BCAR3: variants seen among roughly 807,000 people sequenced by gnomAD.
BCAR3 encodes the protein breast cancer anti-estrogen resistance protein 3.
BCAR3 carries 37 observed loss-of-function variants against 80.1 expected under a neutral mutation model. The ratio of observed to expected loss-of-function variants is 0.46; its 90% CI spans 0.36 to 0.61. The LOEUF (loss-of-function observed/expected upper bound fraction) is 0.61, where lower values mean the gene tolerates loss of function less well. Among genes scored for constraint, BCAR3 ranks in the 20% least tolerant of loss-of-function variants. BCAR3 has a pLI of 0.00. For synonymous variants in BCAR3, 389 were observed against 418.9 expected (o/e 0.93, Z 0.87); for missense variants, 978 against 1,068.2 (o/e 0.92, Z 1.18).
chr1:93,789,901 C>A (rs1232411140), intron 2 of BCAR3, among the ~76,000 whole-genome samples: 1 of 152,212 alleles, frequency 6.6e-6, no homozygotes, highest in African/African-American at 2.4e-5. Context: ...GGTGAGGGAC[C>A]TTGAGGAGTC....
At chr1:93,588,698 A>G (rs372489079) in intron 5 of BCAR3, among the ~76,000 whole-genome samples, 3 of 148,504 alleles carry the variant, frequency 2.0e-5, no homozygotes, top group East Asian at 2.0e-4. Flanking sequence ...CATCTATCCA[A>G]ATTTCCCCCA....
chr1:93,571,579 T>G, intron 9 of BCAR3, 91 bp downstream of exon 9: 29 of 1,493,386 alleles, frequency 1.9e-5, no homozygotes, highest in Non-Finnish European at 2.5e-5. Flanking sequence ...AATTTACTTT[T>G]GAGATTGACT....
upstream of BCAR3, among the ~76,000 whole-genome samples, chr1:93,685,424 T>C (rs1648942528): frequency 6.6e-6 from 1 of 152,266 alleles, no homozygotes; most frequent in Non-Finnish European, 1.5e-5. Context: ...AGTAACATAC[T>C]ATACCCATTG....
intron 3 of BCAR3, among the ~76,000 whole-genome samples, chr1:93,635,392 T>C (rs555807696): frequency 1.3e-5 from 2 of 152,316 alleles, no homozygotes; most frequent in African/African-American, 2.4e-5. Context: ...TATACGGACA[T>C]GTGTTTTCAT....
At chr1:93,688,475 C>CA (rs201057423) in intron 3 of BCAR3, among the ~76,000 whole-genome samples, 1,608 of 152,230 alleles carry the variant, frequency 0.011, 28 homozygotes, top group African/African-American at 0.037. Context: ...ACCAAAACGT[C>CA]TCTGGATAGG....
rs376135163 is a variant in BCAR3, at chr1:93,824,107, G to A, written c.-63+21460C>T. ...GTCTGTCTTGTTTTCGGTATTCCTAGTAGACATTCAACTAATGTTTGTTGA... is the reference window on the plus strand; with the variant it reads ...GTCTGTCTTGTTTTCGGTATTCCTAATAGACATTCAACTAATGTTTGTTGA... On this transcript the variant is annotated intron_variant, in intron 2 of 13. Coordinates refer to the BCAR3 transcript ENST00000370244. Among the ~76,000 whole-genome samples the A allele has an allele frequency of 3.6e-4, 48 of 133,894 alleles. 12 individuals carry two copies. The highest frequency in any genetic ancestry group is 2.3e-3 in the East Asian group (8 of 3,446). 87.8% of individuals were successfully genotyped at this position (133,894 alleles called of 152,430 possible).
At chr1:93,660,270 C>A (rs1164851449) in intron 2 of BCAR3, among the ~76,000 whole-genome samples, 1 of 152,192 alleles carries the variant, frequency 6.6e-6, no homozygotes, top group Non-Finnish European at 1.5e-5. Context: ...TCAGACAGAA[C>A]TCCCTCAGCA....
At chr1:93,703,678 T>C (rs1649732200) in intron 3 of BCAR3, among the ~76,000 whole-genome samples, 2 of 152,216 alleles carry the variant, frequency 1.3e-5, no homozygotes, top group African/African-American at 4.8e-5. Context: ...AGTGCTTCTA[T>C]ATGCCCATTC....
chr1:93,774,110 G>C (rs1386657744), intron 2 of BCAR3, among the ~76,000 whole-genome samples: 1 of 152,178 alleles, frequency 6.6e-6, no homozygotes, highest in Non-Finnish European at 1.5e-5. Flanking sequence ...GCAATCAGGA[G>C]TAACTCCAAA....
intron 7 of BCAR3, among the ~76,000 whole-genome samples, chr1:93,576,588 A>T (rs1194204805): frequency 6.6e-6 from 1 of 152,236 alleles, no homozygotes; most frequent in East Asian, 1.9e-4. Flanking sequence ...CTCACTTAAC[A>T]GCCACAGCTG....
intron 2 of BCAR3, among the ~76,000 whole-genome samples, chr1:93,729,721 C>T (rs922689820): frequency 6.6e-6 from 1 of 152,160 alleles, no homozygotes; most frequent in Non-Finnish European, 1.5e-5. Flanking sequence ...GTGGGCAGCT[C>T]CCCTCAGAAG....
chr1:93,567,879 G>C, intron 9 of BCAR3, 28 bp from the exon 10 acceptor site: 1 of 1,586,074 alleles, frequency 6.3e-7, no homozygotes, highest in Non-Finnish European at 8.7e-7. Flanking sequence ...TTTTGGAAAA[G>C]GTTCTTTTTA....
intron 3 of BCAR3, among the ~76,000 whole-genome samples, chr1:93,615,072 C>G (rs945045021): frequency 6.6e-6 from 1 of 150,884 alleles, no homozygotes; most frequent in Non-Finnish European, 1.5e-5. Flanking sequence ...CCTATCCTAC[C>G]GCTCCAAATA....
chr1:93,631,914 C>A (rs184072461), intron 3 of BCAR3, among the ~76,000 whole-genome samples: 3,241 of 152,254 alleles, frequency 0.021, 145 homozygotes, highest in Admixed American at 0.11. Flanking sequence ...CACAAGAAAA[C>A]CCATCTCAGG....
At chr1:93,797,204 C>T (rs970809738) in intron 2 of BCAR3, among the ~76,000 whole-genome samples, 1 of 152,168 alleles carries the variant, frequency 6.6e-6, no homozygotes, top group Non-Finnish European at 1.5e-5. Flanking sequence ...CATAGTCCCT[C>T]GTTAGCCAGG....
rs980530398 is a variant in BCAR3, at chr1:93,759,607, C to A, written c.-62-53465G>T. On this transcript the variant is annotated intron_variant, in intron 2 of 13. Transcript: ENST00000370244. ...CTGCATCAATCAAACATTTAAATAA[C>A]CAAATGACAAATGTTGCTGGAAAGC... is the stretch of plus-strand genomic sequence containing the variant. 2.6e-5 allele frequency among the ~76,000 whole-genome samples: 4 copies of A among 152,158 alleles called. No homozygotes were observed. In the South Asian group the frequency reaches 8.3e-4, roughly 32 times the overall value.
intron 2 of BCAR3, among the ~76,000 whole-genome samples, chr1:93,737,350 C>T (rs1417429306): frequency 1.3e-5 from 2 of 151,982 alleles, no homozygotes; most frequent in African/African-American, 2.4e-5. Flanking sequence ...ATAGTGGATT[C>T]GGGAGGGCCC....
intron 3 of BCAR3, among the ~76,000 whole-genome samples, chr1:93,624,052 G>A (rs1675388262): frequency 6.6e-6 from 1 of 152,198 alleles, no homozygotes; most frequent in African/African-American, 2.4e-5. Context: ...TCTAGGAAGA[G>A]GGAGAGGGAT....
chr1:93,584,828 G>A, intron 5 of BCAR3: 2 of 305,184 alleles, frequency 6.6e-6, no homozygotes, highest in Non-Finnish European at 9.6e-6. Flanking sequence ...AATTCAGACT[G>A]GGAATTTCTC....
Sources: allele counts gnomAD v4.1 joint callset (sites outside exome capture counted in the v4.1 genomes callset), GRCh38; gene constraint gnomAD v4.1.1; transcripts MANE v1.5; gene names NCBI Gene and HGNC (gene_info 2026-07-23, HGNC 2026-07-21).